MAP3K6: variants seen among roughly 807,000 people sequenced by gnomAD.
MAP3K6 encodes apoptosis signal-regulating kinase 2.
Under a neutral mutation model 147.1 loss-of-function variants are expected in MAP3K6, and 105 were observed. The ratio of observed to expected loss-of-function variants is 0.71; its 90% CI spans 0.61 to 0.84. The LOEUF (loss-of-function observed/expected upper bound fraction) is 0.84. MAP3K6 is among the 40% of genes least tolerant of loss of function. The pLI is 0.00. For missense variants in MAP3K6, 1,569 were observed against 1,715.0 expected (o/e 0.91, Z 1.50); for synonymous variants, 695 against 732.4 (o/e 0.95, Z 0.82).
chr1:27,365,935 G>T (rs1468104990), intron 1 of MAP3K6, among the ~76,000 whole-genome samples: 1 of 82,800 alleles, frequency 1.2e-5, no homozygotes, highest in Non-Finnish European at 2.5e-5. Context: ...GCCGCTCCCC[G>T]CCCCGCCCCA....
Position 27,358,817 on chromosome 1 carries a change from C to T in MAP3K6, c.2475G>A (p.Gly825=), listed in dbSNP as rs765522016. ...ACCAGATGTCAGCTGCTTTCCCATA[C>T]CCGCGTGGGCCCTGGTCAATGATTT... ...APEIIDQGPR[G]YGKAADIWSL... Residue 825 remains glycine (G), a synonymous_variant, in exon 19 of 29, where the codon GGG becomes GGA. Transcript: ENST00000357582. The surrounding 1 kb of genome is among the most constrained non-coding windows in gnomAD (Gnocchi z 6.2). 4 of 1,608,906 alleles carry T rather than the reference C, an allele frequency of 2.5e-6. No homozygotes were observed. The highest frequency in any genetic ancestry group is 2.2e-5 in the East Asian group (1 of 44,790).
In MAP3K6 at chr1:27,366,166, T is replaced by A; in HGVS notation, c.340+92A>T. On this transcript the variant is annotated intron_variant, in intron 1 of 28. Transcript: ENST00000357582. This position sits in a 1 kb window ranked among gnomAD's most constrained non-coding sequence, Gnocchi z 5.5. ...AAGTCCCCTAGACCCGGTACCCCTCTCGGCCCCTCCCTTGAGCCTTCGAGC... is the reference window on the plus strand; with the variant it reads ...AAGTCCCCTAGACCCGGTACCCCTCACGGCCCCTCCCTTGAGCCTTCGAGC... 8.3e-7 allele frequency: 1 copy of A among 1,209,544 alleles called. No homozygotes were observed. 74.9% of individuals were successfully genotyped at this position (1,209,544 alleles called of 1,614,324 possible).
In MAP3K6 at chr1:27,358,036, G is replaced by A. The variant is rs1441923748; in HGVS notation, c.2915+145C>T. 5 of 1,491,426 alleles carry A rather than the reference G, an allele frequency of 3.4e-6. No homozygotes were observed. In the East Asian group the frequency reaches 1.2e-4, roughly 35 times the overall value. 92.4% of individuals were successfully genotyped at this position (1,491,426 alleles called of 1,614,324 possible). A position where few individuals can be genotyped will look rare whatever the true frequency, so the allele number is the denominator to read the frequency against. ...GAGGACACAACAAGTCCAAGTTAGA[G>A]TTGCCAGAACAGGGCATGGGGAGGC... On this transcript the variant is annotated intron_variant, in intron 21 of 28. Coordinates refer to ENST00000357582, the MANE Select transcript of MAP3K6 (RefSeq NM_004672.5). This position sits in a 1 kb window ranked among gnomAD's most constrained non-coding sequence, Gnocchi z 6.2.
At chr1:27,361,473 A>T (rs2015768041) in intron 11 of MAP3K6, 47 bp downstream of exon 11, 1 of 1,611,968 alleles carries the variant, frequency 6.2e-7, no homozygotes, top group South Asian at 1.1e-5. Flanking sequence ...GGCTCCACAG[A>T]AAAGGTCCTA....
chr1:27,361,791 G>T lies in MAP3K6; in HGVS notation c.1492C>A (p.Pro498Thr). The part of the protein sequence containing the change: ...RPTPEPPGGP[P>T]RRAHFWLHFL... ...TGGAGCCAGAAGTGGGCACGGCGTG[G>T]TGGCCCTCCAGGGGGCTCTGGCGTG... The change falls in exon 10 of 29, where the codon CCA (proline) becomes ACA (threonine). Residue 498 changes from proline to threonine, a missense_variant. Physicochemically the swap from Pro to Thr is conservative, Grantham distance 38 (BLOSUM62 -1). Transcript: ENST00000357582. The T allele has an allele frequency of 6.2e-7, 1 of 1,611,540 alleles. No individual in the cohort carries two copies. Among genetic ancestry groups the T allele is most frequent in the East Asian group, 2.2e-5 (1 of 44,862 alleles).
Position 27,356,115 on chromosome 1 carries a change from C to A in MAP3K6, c.3638-16G>T. The A allele has an allele frequency of 6.2e-7, 1 of 1,612,206 alleles. No homozygotes were observed. The highest frequency in any genetic ancestry group is 1.1e-5 in the South Asian group (1 of 91,042). On this transcript the variant is annotated splice_polypyrimidine_tract_variant and intron_variant, in intron 26 of 28. Transcript: ENST00000357582. The stretch of plus-strand genomic sequence containing the variant: ...GAAAGAGCAGCTGTCAAGAAGCAGT[C>A]AGGTGATGAGCCCAAGAGTGCCTCC...
At position 27,359,875 on chromosome 1, in the gene MAP3K6, C is replaced by T. The variant is rs1300607813; in HGVS notation, c.2302G>A (p.Val768Met). Residue 768 changes from valine (V) to methionine (M), a missense_variant, in exon 17 of 29, where the codon GTG becomes ATG. Physicochemically the swap from Val to Met is conservative, Grantham distance 21. Transcript: ENST00000357582. This position sits in a 1 kb window ranked among gnomAD's most constrained non-coding sequence, Gnocchi z 4.4. ...GLGYLHDNHI[V>M]HRDIKGDNVL... ...GGGCTTACTTTTATGTCCCTGTGCA[C>T]GATGTGGTTGTCGTGCAAGTAGCCA... 2 of 1,614,030 alleles carry T rather than the reference C, an allele frequency of 1.2e-6. No individual in the cohort carries two copies. The highest frequency in any genetic ancestry group is 1.7e-5 in the Admixed American group (1 of 60,008).
At position 27,358,797 on chromosome 1, in the gene MAP3K6, A is replaced by G; in HGVS notation, c.2495T>C (p.Ile832Thr). Residue 832 changes from isoleucine to threonine, a missense_variant, in exon 19 of 29, where the codon ATC becomes ACC. Transcript: ENST00000357582. The surrounding 1 kb of genome is among the most constrained non-coding windows in gnomAD (Gnocchi z 6.2). ...GPRGYGKAAD[I>T]WSLGCTVIEM... ...AATGACAGTGCAGCCCAGTGACCAG[A>G]TGTCAGCTGCTTTCCCATACCCGCG... 6.2e-7 allele frequency: 1 copy of G among 1,613,200 alleles called. No homozygotes were observed. Among genetic ancestry groups the G allele is most frequent in the African/African-American group, 1.3e-5 (1 of 74,982 alleles).
chr1:27,356,431 C>G lies in MAP3K6; in HGVS notation c.3594G>C (p.Leu1198=), dbSNP rs1361287359. The G allele has an allele frequency of 2.5e-6, 4 of 1,613,494 alleles. No individual in the cohort carries two copies. Among genetic ancestry groups the G allele is most frequent in the Non-Finnish European group, 8.5e-7 (1 of 1,179,930 alleles). ...QALVQRALQR[L]NEEARTYVLA... ...GGACATAGGTCCGGGCTTCCTCATT[C>G]AGCCGCTGTAGAGCCCGCTGCACCA... Residue 1198 remains leucine, a synonymous_variant, in exon 26 of 29, where the codon CTG becomes CTC. Transcript: ENST00000357582.
Position 27,359,577 on chromosome 1 carries a change from C to T in MAP3K6, c.2320-55G>A. On this transcript the variant is annotated intron_variant, in intron 17 of 28. Transcript: ENST00000357582. This position sits in a 1 kb window ranked among gnomAD's most constrained non-coding sequence, Gnocchi z 4.4. ...CTGGGCCCCTGCCAGCAGAAGTAGA[C>T]CCTCTTTCTGGGATCCCATCTCCTG... 1.9e-6 allele frequency: 3 copies of T among 1,608,506 alleles called. No homozygotes were observed. The highest frequency in any genetic ancestry group is 2.5e-6 in the Non-Finnish European group (3 of 1,176,602).
chr1:27,357,365 G>A (rs1408989157), intron 23 of MAP3K6, 35 bp downstream of exon 23: 2 of 1,573,216 alleles, frequency 1.3e-6, no homozygotes, highest in African/African-American at 2.7e-5. Flanking sequence ...ACTACCTGTT[G>A]TTGGGCAGCT....
intron 24 of MAP3K6, 55 bp downstream of exon 24, chr1:27,356,954 G>A (rs1341809994): frequency 1.3e-6 from 2 of 1,555,056 alleles, no homozygotes; most frequent in Non-Finnish European, 1.8e-6. Flanking sequence ...TGTTCACCGC[G>A]CCCAGCAAGC....
Position 27,361,005 on chromosome 1 carries a change from G to T in MAP3K6, c.1836C>A (p.Phe612Leu). 1 of 1,590,542 alleles carries T rather than the reference G, an allele frequency of 6.3e-7. No homozygotes were observed. The highest frequency in any genetic ancestry group is 1.1e-5 in the South Asian group (1 of 88,226). ...TCACCCAGGCCTGGATCAGGCCGCA[G>T]AACCTGAAGGTGGGGGAGGTCAGAC... ...CFPSVGHCQW[F>L]CGLIQAWVTN... is the part of the protein sequence containing the mutation. Residue 612 changes from phenylalanine (F) to leucine (L), a missense_variant, in exon 14 of 29, where the codon TTC becomes TTA. Physicochemically the swap from Phe to Leu is conservative, Grantham distance 22. Transcript: ENST00000357582.
At position 27,355,426 on chromosome 1, in the gene MAP3K6, G is replaced by A. The variant is rs781559146; in HGVS notation, c.3832C>T (p.Arg1278Ter). 13 of 1,613,978 alleles carry A rather than the reference G, an allele frequency of 8.1e-6. No homozygotes were observed. The highest frequency in any genetic ancestry group is 6.7e-5 in the East Asian group (3 of 44,890). Residue 1278 changes from arginine to a stop codon, truncating the protein, a stop_gained, in exon 29 of 29, where the codon CGA (arginine) becomes TGA (stop). Coordinates refer to ENST00000357582, the MANE Select transcript of MAP3K6 (RefSeq NM_004672.5). LOFTEE classifies it low-confidence loss of function (END_TRUNC). ...CRIWRAILAQRAGSTPVTSGP is the reference protein window; with the variant it reads ...CRIWRAILAQ ...GAGGTGACTGGTGTGGATCCTGCTC[G>A]CTGTGCCAAGATGGCCCTCCAGATG...
Position 27,363,867 on chromosome 1 carries a change from G to C in MAP3K6, c.864+50C>G. 2.0e-6 allele frequency: 3 copies of C among 1,483,090 alleles called. No individual in the cohort carries two copies. In the South Asian group the frequency reaches 3.9e-5, roughly 19 times the overall value. 91.9% of individuals were successfully genotyped at this position (1,483,090 alleles called of 1,614,324 possible). A position where few individuals can be genotyped will look rare whatever the true frequency, so the allele number is the denominator to read the frequency against. ...CCAGCCAGGAACTGAACTTGGGTTTGTCTGACCTCAAATGCCAGCTGCCCT... is the reference window on the plus strand; with the variant it reads ...CCAGCCAGGAACTGAACTTGGGTTTCTCTGACCTCAAATGCCAGCTGCCCT... On this transcript the variant is annotated intron_variant, in intron 5 of 28. Transcript: ENST00000357582.
In MAP3K6 at chr1:27,359,718, T is replaced by G. The variant is rs2015671974; in HGVS notation, c.2319+140A>C. On this transcript the variant is annotated intron_variant, in intron 17 of 28. Transcript: ENST00000357582. This position sits in a 1 kb window ranked among gnomAD's most constrained non-coding sequence, Gnocchi z 4.4. ...CAGAGCTGAACCTTTCCCCTCCTTCTCTAAGGAGCCTCCCTGATGAATTCC... is the reference window on the plus strand; with the variant it reads ...CAGAGCTGAACCTTTCCCCTCCTTCGCTAAGGAGCCTCCCTGATGAATTCC... 7.1e-7 allele frequency: 1 copy of G among 1,407,208 alleles called. No homozygotes were observed. 87.2% of individuals were successfully genotyped at this position (1,407,208 alleles called of 1,614,324 possible).
chr1:27,360,668 G>T lies in MAP3K6; in HGVS notation c.2054+37C>A, dbSNP rs201496163. ...GTGGCCCGGCTCACTCGGCCCTCGC[G>T]AGCCCTCAGCCCCACCCGCGCTGCC... is the stretch of plus-strand genomic sequence containing the variant. On this transcript the variant is annotated intron_variant, in intron 15 of 28. Coordinates refer to ENST00000357582, the MANE Select transcript of MAP3K6 (RefSeq NM_004672.5). This position sits in a 1 kb window ranked among gnomAD's most constrained non-coding sequence, Gnocchi z 4.5. 1.3e-6 allele frequency: 2 copies of T among 1,590,058 alleles called. No homozygotes were observed. Among genetic ancestry groups the T allele is most frequent in the South Asian group, 2.2e-5 (2 of 89,374 alleles).
Position 27,357,380 on chromosome 1 carries a change from C to G in MAP3K6, c.3258+20G>C. 1 of 1,586,028 alleles carries G rather than the reference C, an allele frequency of 6.3e-7. No homozygotes were observed. The highest frequency in any genetic ancestry group is 2.3e-5 in the East Asian group (1 of 44,298). The stretch of plus-strand genomic sequence containing the variant: ...ACTACCTGTTGTTGGGCAGCTCTAA[C>G]TACCAGAAGGCGCCCTCACCGCATC... On this transcript the variant is annotated intron_variant, in intron 23 of 28. Coordinates refer to ENST00000357582, the MANE Select transcript of MAP3K6 (RefSeq NM_004672.5).
At chr1:27,355,565 G>A (rs2015489523) in intron 28 of MAP3K6, 96 bp from the exon 29 acceptor site, 3 of 1,572,142 alleles carry the variant, frequency 1.9e-6, no homozygotes, top group Non-Finnish European at 2.6e-6. Context: ...GTCCCTAGGG[G>A]ACCCAGGTGC....
Sources: allele counts gnomAD v4.1 joint callset (sites outside exome capture counted in the v4.1 genomes callset), GRCh38; gene constraint gnomAD v4.1.1; non-coding constraint Gnocchi (gnomAD v3.1); transcripts MANE v1.5; gene names NCBI Gene and HGNC (gene_info 2026-07-23, HGNC 2026-07-21).